Variants in SPICE1 observed in about 807,000 individuals in gnomAD.
SPICE1 encodes the protein spindle and centriole-associated protein 1.
SPICE1 carries 75 observed loss-of-function variants against 102.7 expected under a neutral mutation model. That is an observed-to-expected ratio of 0.73 (90% CI 0.61 to 0.88). The LOEUF (loss-of-function observed/expected upper bound fraction) is 0.88, where lower values mean the gene tolerates loss of function less well. Among genes scored for constraint, SPICE1 ranks in the 40% least tolerant of loss-of-function variants. The pLI is 0.00. For missense variants in SPICE1, 979 were observed against 1,020.1 expected, an observed-to-expected ratio of 0.96 and a Z score of 0.55; for synonymous variants, 308 against 350.3, an observed-to-expected ratio of 0.88 and a Z score of 1.35.
intron 7 of SPICE1, among the ~76,000 whole-genome samples, chr3:113,484,640 G>A (rs867400681): frequency 6.6e-6 from 1 of 152,120 alleles, no homozygotes; most frequent in African/African-American, 2.4e-5. Flanking sequence ...TATGTACCCA[G>A]TAGTCATTCA....
rs953382713 is a variant in SPICE1 at position 113,473,984 on chromosome 3, A to G, written c.612-4746T>C. ...ACTAAATGCTCCAATTAAAAGGCAC[A>G]GACTGGAAAATTGGATAAAGAGTCA... On this transcript the variant is annotated intron_variant, in intron 7 of 17. Coordinates refer to ENST00000295872, the MANE Select transcript of SPICE1 (RefSeq NM_144718.4). Among the ~76,000 whole-genome samples, 3 of 152,348 alleles carry G rather than the reference A, an allele frequency of 2.0e-5. No homozygotes were observed. The East Asian group carries it at 5.8e-4, about 29-fold the overall frequency.
chr3:113,446,809 T>TA (rs138860348), intron 16 of SPICE1, 133 bp from the exon 17 acceptor site: 20,843 of 708,938 alleles, frequency 0.029, 450 homozygotes, highest in Non-Finnish European at 0.04. Flanking sequence ...TCCAACGAGG[T>TA]AAATTATTTG....
At chr3:113,446,484 C>A in intron 17 of SPICE1, 105 bp downstream of exon 17, 4 of 834,732 alleles carry the variant, frequency 4.8e-6, no homozygotes, top group Non-Finnish European at 7.7e-6. Flanking sequence ...AATATCATAC[C>A]AGCTTTAGGA....
At chr3:113,504,733 A>T (rs1937076114) in intron 2 of SPICE1, among the ~76,000 whole-genome samples, 1 of 152,194 alleles carries the variant, frequency 6.6e-6, no homozygotes, top group South Asian at 2.1e-4. Flanking sequence ...AATTCCATCA[A>T]TACTAAAACC....
In SPICE1 at chr3:113,445,249, A is replaced by G. The variant is rs747844035; in HGVS notation, c.*58T>C. On this transcript the variant is annotated 3_prime_UTR_variant, in exon 18 of 18. Coordinates refer to ENST00000295872, the MANE Select transcript of SPICE1 (RefSeq NM_144718.4). ...AAGGATATAAAAACTTAAAAGTCAG[A>G]GCAGGGAAAGGGAAGTAATAAATTA... 46 of 1,413,002 alleles carry G rather than the reference A, an allele frequency of 3.3e-5. No homozygotes were observed. The highest frequency in any genetic ancestry group is 4.5e-5 in the Non-Finnish European group (45 of 1,008,376). The allele number at this position is 1,413,002 out of a possible 1,614,324, so 87.5% of individuals were successfully genotyped here. A position where few individuals can be genotyped will look rare whatever the true frequency, so the allele number is the denominator to read the frequency against.
chr3:113,449,348 C>T (rs1028236773), intron 15 of SPICE1: 7 of 137,922 alleles, frequency 5.1e-5, no homozygotes, highest in Non-Finnish European at 7.9e-5. Context: ...CATGTTCGCA[C>T]ATAGTACATG....
chr3:113,488,637 C>T (rs1936697637), intron 7 of SPICE1, among the ~76,000 whole-genome samples: 1 of 152,098 alleles, frequency 6.6e-6, no homozygotes, highest in African/African-American at 2.4e-5. Context: ...TAAAAAACTG[C>T]ATATTGGGTA....
intron 7 of SPICE1, among the ~76,000 whole-genome samples, chr3:113,482,787 A>G (rs547323404): frequency 3.3e-4 from 51 of 152,302 alleles, no homozygotes; most frequent in African/African-American, 1.2e-3. Context: ...TACCAGTACC[A>G]TGCTGTTTTG....
chr3:113,514,573 C>T, intron 1 of SPICE1: 1 of 451,650 alleles, frequency 2.2e-6, no homozygotes. Context: ...ACAGTTGCAA[C>T]CATTCTTTTC....
intron 1 of SPICE1, among the ~76,000 whole-genome samples, chr3:113,513,666 C>G (rs76809491): frequency 6.6e-6 from 1 of 152,190 alleles, no homozygotes; most frequent in South Asian, 2.1e-4. Context: ...CTTAGTGAAT[C>G]AGATAACAGA....
chr3:113,488,000 G>A (rs959007478), intron 7 of SPICE1, among the ~76,000 whole-genome samples: 1 of 151,944 alleles, frequency 6.6e-6, no homozygotes, highest in Admixed American at 6.6e-5. Flanking sequence ...GAAACACTAA[G>A]ATTAGATTTT....
At chr3:113,467,316 G>A (rs113972930) in intron 10 of SPICE1, among the ~76,000 whole-genome samples, 3,135 of 152,196 alleles carry the variant, frequency 0.021, 112 homozygotes, top group African/African-American at 0.071. Context: ...TTTTGAGACA[G>A]TGTCTTGCTC....
rs7610428 is a variant in SPICE1 at position 113,473,304 on chromosome 3, G to A, written c.612-4066C>T. Among the ~76,000 whole-genome samples the A allele has an allele frequency of 4.7e-3, 713 of 152,188 alleles. 6 individuals carry two copies. The highest frequency in any genetic ancestry group is 0.016 in the African/African-American group (670 of 41,538). On this transcript the variant is annotated intron_variant, in intron 7 of 17. Coordinates refer to ENST00000295872, the MANE Select transcript of SPICE1 (RefSeq NM_144718.4). Reference sequence around the variant, plus strand: ...GACTATGTGAAAAGACCAAATCTACGTCTGATTGGTGTACCTGAAAGTGAC... The same window carrying A: ...GACTATGTGAAAAGACCAAATCTACATCTGATTGGTGTACCTGAAAGTGAC...
At chr3:113,454,650 A>G (rs1481371174) in intron 13 of SPICE1, among the ~76,000 whole-genome samples, 1 of 151,952 alleles carries the variant, frequency 6.6e-6, no homozygotes, top group Non-Finnish European at 1.5e-5. Flanking sequence ...CAGGAGGCAG[A>G]GGTTGCAGTG....
intron 12 of SPICE1, chr3:113,459,834 A>T: frequency 1.0e-6 from 1 of 965,598 alleles, no homozygotes; most frequent in Non-Finnish European, 1.2e-6. Context: ...GTAAGCCGAG[A>T]GGGCGCCACT....
chr3:113,468,766 A>C lies in SPICE1; in HGVS notation c.885T>G (p.Asn295Lys). ...LNSRKQKQLL[N>K]KVKRKPNLHA... ...TTGTAAATTAAGGGACTGAACCTTTATTTAACAGCTGTTTTTGCTTCCTTG... is the reference window on the plus strand; with the variant it reads ...TTGTAAATTAAGGGACTGAACCTTTCTTTAACAGCTGTTTTTGCTTCCTTG... Residue 295 changes from asparagine (N) to lysine (K), a missense_variant, in exon 9 of 18, where the codon AAT becomes AAG. Coordinates refer to ENST00000295872, the MANE Select transcript of SPICE1 (RefSeq NM_144718.4). The C allele has an allele frequency of 1.2e-6, 2 of 1,612,360 alleles. No individual in the cohort carries two copies. The highest frequency in any genetic ancestry group is 2.2e-5 in the East Asian group (1 of 44,868).
chr3:113,468,181 C>A lies in SPICE1; in HGVS notation c.1113G>T (p.Ser371=), dbSNP rs200801991. The A allele has an allele frequency of 2.6e-5, 42 of 1,614,200 alleles. No homozygotes were observed. Among genetic ancestry groups the A allele is most frequent in the Non-Finnish European group, 3.3e-5 (39 of 1,180,026 alleles). ...SSQGLTGFTL[S]LVSSLCRLVR... is the part of the protein sequence containing the mutation. ...CCAGGCGACAGAGGGAGCTCACCAG[C>A]GACAAAGTGAAGCCTGTAAGACCCT... is the stretch of plus-strand genomic sequence containing the variant. Residue 371 remains serine (S), a synonymous_variant, in exon 10 of 18, where the codon TCG becomes TCT. Coordinates refer to ENST00000295872, the MANE Select transcript of SPICE1 (RefSeq NM_144718.4).
chr3:113,472,219 T>C lies in SPICE1; in HGVS notation c.612-2981A>G, dbSNP rs746769397. Among the ~76,000 whole-genome samples, 545 of 152,262 alleles carry C rather than the reference T, an allele frequency of 3.6e-3. 1 individual carries two copies. The highest frequency in any genetic ancestry group is 5.9e-3 in the Non-Finnish European group (404 of 67,994). On this transcript the variant is annotated intron_variant, in intron 7 of 17. Transcript: ENST00000295872. The stretch of plus-strand genomic sequence containing the variant: ...CTGAGATCAAACTGCAAGGCGGCAG[T>C]GAGGCTGGGGGAGGGGCACCCGCCA...
intron 7 of SPICE1, among the ~76,000 whole-genome samples, chr3:113,487,417 C>T (rs2107488989): frequency 6.6e-6 from 1 of 152,158 alleles, no homozygotes. Flanking sequence ...TGTTCATATA[C>T]ATATGACTAT....
Sources: allele counts gnomAD v4.1 joint callset (sites outside exome capture counted in the v4.1 genomes callset), GRCh38; gene constraint gnomAD v4.1.1; transcripts MANE v1.5; gene names NCBI Gene and HGNC (gene_info 2026-07-23, HGNC 2026-07-21).